Variants in WDR17 observed in about 807,000 individuals in gnomAD.
The protein encoded by WDR17 is WD repeat-containing protein 17.
Under a neutral mutation model 161.7 loss-of-function variants are expected in WDR17, and 143 were observed. The ratio of observed to expected loss-of-function variants is 0.88; its 90% confidence interval spans 0.77 to 1.02. The LOEUF is 1.02. Ranked by LOEUF, WDR17 falls within the 50% of genes least tolerant of loss-of-function variation. The pLI is 0.00. For missense variants in WDR17, 1,469 were observed against 1,520.9 expected, an observed-to-expected ratio of 0.97 and a Z score of 0.57; for synonymous variants, 517 against 515.6, an observed-to-expected ratio of 1.00 and a Z score of -0.04.
intron 1 of WDR17, among the ~76,000 whole-genome samples, chr4:176,066,474 A>C (rs1732542233): frequency 6.6e-6 from 1 of 152,168 alleles, no homozygotes; most frequent in Non-Finnish European, 1.5e-5. Context: ...AGATGGACTT[A>C]TTAGTAGGGT....
At position 176,141,963 on chromosome 4, in the gene WDR17, CATATT is replaced by C; in HGVS notation, c.1443-16_1443-12del. 6.6e-7 allele frequency: 1 copy of C among 1,516,454 alleles called. No individual in the cohort carries two copies. Among genetic ancestry groups the C allele is most frequent in the Non-Finnish European group, 9.0e-7 (1 of 1,108,132 alleles). 93.9% of individuals were successfully genotyped at this position (1,516,454 alleles called of 1,614,324 possible). On this transcript the variant is annotated splice_polypyrimidine_tract_variant and intron_variant, in intron 10 of 28. Transcript: ENST00000508596. Reference sequence around the variant, plus strand: ...ATTTAGAGTATTGTTTTTCTATTAACATATTATAATTAATTCTAGTATTATTCGAA... The same window carrying C: ...ATTTAGAGTATTGTTTTTCTATTAACATAATTAATTCTAGTATTATTCGAA...
intron 1 of WDR17, among the ~76,000 whole-genome samples, chr4:176,067,635 C>A (rs1362157342): frequency 9.3e-6 from 1 of 107,156 alleles, no homozygotes. Flanking sequence ...TTAAGTTACC[C>A]ATTAGTCACA....
intron 12 of WDR17, among the ~76,000 whole-genome samples, chr4:176,146,420 A>G (rs1746181125): frequency 6.6e-6 from 1 of 152,168 alleles, no homozygotes; most frequent in Admixed American, 6.5e-5. Flanking sequence ...AATTTTTGGC[A>G]TAAATCCAAA....
chr4:176,068,897 A>G (rs1233445935), intron 1 of WDR17, among the ~76,000 whole-genome samples: 1 of 152,144 alleles, frequency 6.6e-6, no homozygotes, highest in Non-Finnish European at 1.5e-5. Context: ...AGAGAAAAAC[A>G]TTTTTCTTAT....
chr4:176,119,704 C>T (rs1472063040), intron 3 of WDR17, among the ~76,000 whole-genome samples, 163 bp from the exon 4 acceptor site: 1 of 152,058 alleles, frequency 6.6e-6, no homozygotes, highest in Admixed American at 6.5e-5. Flanking sequence ...GCCTATGTTC[C>T]CTGCAGTCTT....
intron 10 of WDR17, 68 bp downstream of exon 10, chr4:176,140,042 A>G: frequency 7.5e-7 from 1 of 1,330,930 alleles, no homozygotes; most frequent in South Asian, 1.3e-5. Flanking sequence ...GATCATTCCA[A>G]CTGTGTATCC....
intron 1 of WDR17, among the ~76,000 whole-genome samples, chr4:176,084,316 A>G (rs1735145772): frequency 6.6e-6 from 1 of 152,130 alleles, no homozygotes; most frequent in Non-Finnish European, 1.5e-5. Context: ...TGTGCAAAGA[A>G]CACACAGCAA....
At chr4:176,104,471 G>A (rs1265579366) in intron 1 of WDR17, among the ~76,000 whole-genome samples, 2 of 151,798 alleles carry the variant, frequency 1.3e-5, no homozygotes, top group Non-Finnish European at 2.9e-5. Context: ...TGTAACTTTG[G>A]TTGGTGATTC....
intron 20 of WDR17, among the ~76,000 whole-genome samples, chr4:176,161,748 T>C (rs1749063535): frequency 6.6e-6 from 1 of 152,184 alleles, no homozygotes; most frequent in Non-Finnish European, 1.5e-5. Flanking sequence ...CCACATAAAT[T>C]TCTCAAAATT....
At chr4:176,129,006 C>A in intron 6 of WDR17, 146 bp downstream of exon 6, 2 of 639,524 alleles carry the variant, frequency 3.1e-6, no homozygotes, top group Non-Finnish European at 4.8e-6. Flanking sequence ...GCTCAAGGAT[C>A]CATCAAAGCT....
chr4:176,147,932 A>G (rs533062763), intron 12 of WDR17, among the ~76,000 whole-genome samples: 44 of 152,256 alleles, frequency 2.9e-4, no homozygotes, highest in African/African-American at 9.9e-4. Context: ...ATTATTCCAC[A>G]TTGTAAGCAT....
chr4:176,162,219 A>ATAC, intron 21 of WDR17, 45 bp downstream of exon 21: 2 of 1,559,058 alleles, frequency 1.3e-6, no homozygotes, highest in Non-Finnish European at 1.8e-6. Flanking sequence ...AGTTTTTTAG[A>ATAC]TATGTCATGG....
chr4:176,094,513 A>T (rs1736554215), intron 1 of WDR17, among the ~76,000 whole-genome samples: 1 of 152,226 alleles, frequency 6.6e-6, no homozygotes, highest in South Asian at 2.1e-4. Flanking sequence ...TCACAGGAAA[A>T]GGTGAAAGTG....
Position 176,146,075 on chromosome 4 carries a change from T to C in WDR17, c.1610T>C (p.Val537Ala). The change falls in exon 12 of 29, where the codon GTA becomes GCA. Residue 537 changes from valine to alanine, a missense_variant. Physicochemically the swap from Val to Ala is moderately conservative, Grantham distance 64. Transcript: ENST00000508596. Reference sequence around the variant, plus strand: ...ACCAGCTCAGATCAACCATTGAAAGTATTTAGTGGGCATACAGCAAAAGTG... The same window carrying C: ...ACCAGCTCAGATCAACCATTGAAAGCATTTAGTGGGCATACAGCAAAAGTG... ...VATSSDQPLK[V>A]FSGHTAKVFH... is the part of the protein sequence containing the mutation. The C allele has an allele frequency of 1.9e-6, 3 of 1,614,044 alleles. No individual in the cohort carries two copies. Among genetic ancestry groups the C allele is most frequent in the Non-Finnish European group, 2.5e-6 (3 of 1,179,954 alleles).
intron 1 of WDR17, among the ~76,000 whole-genome samples, chr4:176,106,337 G>A (rs1738713150): frequency 6.6e-6 from 1 of 151,688 alleles, no homozygotes; most frequent in Non-Finnish European, 1.5e-5. Context: ...TACATATATG[G>A]CCAAATATCT....
chr4:176,173,013 A>G (rs757521130), intron 24 of WDR17, among the ~76,000 whole-genome samples: 35 of 152,184 alleles, frequency 2.3e-4, no homozygotes, highest in Non-Finnish European at 4.4e-4. Flanking sequence ...AACTATATCA[A>G]TGATCAACTT....
intron 21 of WDR17, 35 bp downstream of exon 21, chr4:176,162,209 A>C: frequency 6.3e-7 from 1 of 1,583,218 alleles, no homozygotes; most frequent in African/African-American, 1.3e-5. Flanking sequence ...GTGAATGAAA[A>C]GTTTTTTAGA....
At chr4:176,087,690 C>G (rs1200315662) in intron 1 of WDR17, among the ~76,000 whole-genome samples, 1 of 152,058 alleles carries the variant, frequency 6.6e-6, no homozygotes, top group Non-Finnish European at 1.5e-5. Context: ...TTTCTCTATG[C>G]ATTGATTTTG....
At chr4:176,151,049 G>GA (rs1456849582) in intron 16 of WDR17, among the ~76,000 whole-genome samples, 1 of 152,164 alleles carries the variant, frequency 6.6e-6, no homozygotes, top group Admixed American at 6.5e-5. Flanking sequence ...GCACCAGAAA[G>GA]AAAAAATTGC....
Sources: gnomAD v4.1 joint callset for allele counts (sites outside exome capture counted in the v4.1 genomes callset) on GRCh38, gnomAD v4.1.1 for gene constraint, MANE v1.5 for transcripts, NCBI Gene and HGNC (gene_info 2026-07-23, HGNC 2026-07-21) for gene names.